FHL5: variants seen among roughly 807,000 people sequenced by gnomAD.
FHL5 encodes four and a half LIM domains 5, also known as four and a half LIM domains protein 5.
In FHL5, 33 loss-of-function variants were observed where a neutral mutation model predicts 32.0. The ratio of observed to expected loss-of-function variants is 1.03; its 90% CI spans 0.78 to 1.38. FHL5 has a LOEUF of 1.38. FHL5 is among the 40% of genes most tolerant of loss of function. The pLI, the probability that FHL5 is intolerant of heterozygous loss-of-function variation, is 0.00. For synonymous variants in FHL5, 114 were observed against 113.6 expected, an observed-to-expected ratio of 1.00 and a Z score of -0.02; for missense variants, 336 against 343.9, an observed-to-expected ratio of 0.98 and a Z score of 0.18.
chr6:96,594,255 ATATATATATATATATATATG>A (rs1242366293), intron 1 of FHL5, among the ~76,000 whole-genome samples: 9 of 105,170 alleles, frequency 8.6e-5, no homozygotes, highest in African/African-American at 2.5e-4. Flanking sequence ...ATATATATAT[ATATATATATATATATATATG>A]TATGTATGTA....
chr6:96,598,881 C>T (rs1771090818), intron 1 of FHL5, among the ~76,000 whole-genome samples: 1 of 152,260 alleles, frequency 6.6e-6, no homozygotes, highest in Admixed American at 6.5e-5. Context: ...ATGTATTTTA[C>T]ATGTTTTTCA....
At chr6:96,588,057 T>G (rs2127965729) in intron 1 of FHL5, among the ~76,000 whole-genome samples, 1 of 152,346 alleles carries the variant, frequency 6.6e-6, no homozygotes, top group East Asian at 1.9e-4. Context: ...CGCTGAAAGT[T>G]TCTCTCAAAT....
intron 3 of FHL5, among the ~76,000 whole-genome samples, 158 bp downstream of exon 3, chr6:96,605,082 G>T (rs185047171): frequency 7.9e-5 from 12 of 152,302 alleles, no homozygotes; most frequent in Admixed American, 7.2e-4. Flanking sequence ...GAAATAAAAA[G>T]ATTATTCATT....
intron 4 of FHL5, among the ~76,000 whole-genome samples, chr6:96,607,109 G>A (rs1297945027): frequency 6.6e-6 from 1 of 151,954 alleles, no homozygotes; most frequent in Non-Finnish European, 1.5e-5. Flanking sequence ...TATCCTCTAA[G>A]CTTTTATGTG....
At chr6:96,595,508 T>G (rs952763132) in intron 1 of FHL5, among the ~76,000 whole-genome samples, 44 of 152,068 alleles carry the variant, frequency 2.9e-4, no homozygotes, top group African/African-American at 1.1e-3. Context: ...CAATTCTATC[T>G]CCAACCTTTG....
intron 1 of FHL5, among the ~76,000 whole-genome samples, chr6:96,586,569 T>C (rs1433472124): frequency 6.6e-6 from 1 of 152,144 alleles, no homozygotes; most frequent in Non-Finnish European, 1.5e-5. Context: ...GTAAAGATAA[T>C]AGGGACAATG....
intron 1 of FHL5, among the ~76,000 whole-genome samples, chr6:96,581,754 T>C (rs1770700994): frequency 6.6e-6 from 1 of 152,116 alleles, no homozygotes; most frequent in African/African-American, 2.4e-5. Context: ...GATCTCCAAA[T>C]AGAAAAGCAA....
chr6:96,595,871 A>G (rs1163332382), intron 1 of FHL5, among the ~76,000 whole-genome samples: 8 of 151,694 alleles, frequency 5.3e-5, no homozygotes, highest in Admixed American at 5.3e-4. Flanking sequence ...TCCATTTTGT[A>G]TCTGTTATTT....
chr6:96,563,694 G>A (rs2127956408), intron 1 of FHL5, among the ~76,000 whole-genome samples: 1 of 151,966 alleles, frequency 6.6e-6, no homozygotes, highest in African/African-American at 2.4e-5. Context: ...AGAAGAGGAG[G>A]GCTCTTGAGA....
At chr6:96,595,338 T>A (rs1417991759) in intron 1 of FHL5, among the ~76,000 whole-genome samples, 2 of 151,870 alleles carry the variant, frequency 1.3e-5, no homozygotes, top group Non-Finnish European at 2.9e-5. Context: ...CATATCTAAT[T>A]GTTGGTGTTT....
intron 1 of FHL5, among the ~76,000 whole-genome samples, chr6:96,572,257 G>A (rs1770494916): frequency 6.6e-6 from 1 of 152,146 alleles, no homozygotes; most frequent in African/African-American, 2.4e-5. Context: ...TGACTGCTCT[G>A]GATGGCCAAG....
At chr6:96,600,294 A>C (rs953860384) in intron 1 of FHL5, among the ~76,000 whole-genome samples, 1 of 152,188 alleles carries the variant, frequency 6.6e-6, no homozygotes, top group African/African-American at 2.4e-5. Context: ...AAAAGCTTTA[A>C]AGTTAAAAAG....
intron 2 of FHL5, among the ~76,000 whole-genome samples, chr6:96,604,307 TTCTCTCTCTC>T (rs3839356): frequency 1.4e-4 from 20 of 145,818 alleles, no homozygotes; most frequent in African/African-American, 4.5e-4. Flanking sequence ...TCCTCTCTCT[TTCTCTCTCTC>T]TCTCTCTCTC....
chr6:96,599,422 C>T (rs1033230661), intron 1 of FHL5, among the ~76,000 whole-genome samples: 14 of 152,024 alleles, frequency 9.2e-5, no homozygotes, highest in Non-Finnish European at 1.5e-5. Context: ...CTCAAACTCA[C>T]GACGTCAGGT....
At position 96,563,365 on chromosome 6, in the gene FHL5, T is replaced by C. The variant is rs2127956307; in HGVS notation, c.-13+10T>C. 1 of 152,300 alleles carries C rather than the reference T, an allele frequency of 6.6e-6. No individual in the cohort carries two copies. The highest frequency in any genetic ancestry group is 2.4e-5 in the African/African-American group (1 of 41,584). The allele number at this position is 152,300 out of a possible 1,614,324, so 9.4% of individuals were successfully genotyped here. On this transcript the variant is annotated intron_variant, in intron 1 of 5. Coordinates refer to ENST00000450218, the MANE Select transcript of FHL5 (RefSeq NM_001322466.2). ...GCGGCTTTAAGACAAAGTGAGTTCTTTCCCCCAAATATTTCCTTTGTTTTG... is the reference window on the plus strand; with the variant it reads ...GCGGCTTTAAGACAAAGTGAGTTCTCTCCCCCAAATATTTCCTTTGTTTTG...
rs956486535 is a variant in FHL5 at position 96,617,065 on chromosome 6, T to C, written c.*1293T>C. On this transcript the variant is annotated 3_prime_UTR_variant, in exon 6 of 6. Transcript: ENST00000450218. ...TGATCACACAGGAAGTAAAGAGCCT[T>C]AGTGAGAAGTCCATCACCAGGTTTA... Among the ~76,000 whole-genome samples, 10 of 152,292 alleles carry C rather than the reference T, an allele frequency of 6.6e-5. No individual in the cohort carries two copies. The East Asian group carries it at 1.9e-3, about 29-fold the overall frequency.
intron 1 of FHL5, among the ~76,000 whole-genome samples, chr6:96,586,402 T>G (rs1444738876): frequency 6.6e-6 from 1 of 152,218 alleles, no homozygotes; most frequent in African/African-American, 2.4e-5. Flanking sequence ...ATAACATGTC[T>G]GAAAAGGATC....
intron 2 of FHL5, 131 bp downstream of exon 2, chr6:96,603,903 T>C: frequency 1.5e-6 from 1 of 679,750 alleles, no homozygotes; most frequent in Admixed American, 2.9e-5. Context: ...ATCTTAAAAG[T>C]TACCAGCAGT....
At chr6:96,607,032 A>C (rs907370829) in intron 4 of FHL5, among the ~76,000 whole-genome samples, 2 of 152,056 alleles carry the variant, frequency 1.3e-5, no homozygotes, top group African/African-American at 4.8e-5. Context: ...TTCCCACTCA[A>C]AAAAAACATT....
Sources: gnomAD v4.1 joint callset for allele counts (sites outside exome capture counted in the v4.1 genomes callset) on GRCh38, gnomAD v4.1.1 for gene constraint, MANE v1.5 for transcripts, NCBI Gene and HGNC (gene_info 2026-07-23, HGNC 2026-07-21) for gene names.